Variants in UBAC2 observed in about 807,000 individuals in gnomAD.
UBAC2 encodes UBA domain containing 2.
In UBAC2, 26 loss-of-function variants were observed where a neutral mutation model predicts 44.0. The observed-to-expected ratio is 0.59, with a 90% CI of 0.43 to 0.82. The LOEUF is 0.82. Ranked by LOEUF, UBAC2 falls within the 40% of genes least tolerant of loss-of-function variation. UBAC2 has a pLI of 0.00. For missense variants in UBAC2, 329 were observed against 419.4 expected (o/e 0.78, Z 1.88); for synonymous variants, 155 against 154.3 (o/e 1.00, Z -0.04).
intron 4 of UBAC2, among the ~76,000 whole-genome samples, chr13:99,300,920 G>A (rs1172147468): frequency 6.6e-6 from 1 of 152,120 alleles, no homozygotes; most frequent in African/African-American, 2.4e-5. Context: ...TTATTCTTAA[G>A]TATATTTTAA....
At chr13:99,299,335 A>G (rs1198798429) in intron 4 of UBAC2, among the ~76,000 whole-genome samples, 1 of 152,214 alleles carries the variant, frequency 6.6e-6, no homozygotes, top group Non-Finnish European at 1.5e-5. Context: ...CAGTGAATAC[A>G]GTGCAGCTCT....
chr13:99,281,697 G>T (rs552855167), intron 4 of UBAC2, among the ~76,000 whole-genome samples: 1 of 152,320 alleles, frequency 6.6e-6, no homozygotes, highest in South Asian at 2.1e-4. Context: ...CTTATGTCTT[G>T]ACATTGCCTG....
At chr13:99,328,873 A>G (rs2044676107) in intron 6 of UBAC2, among the ~76,000 whole-genome samples, 2 of 152,164 alleles carry the variant, frequency 1.3e-5, no homozygotes, top group African/African-American at 2.4e-5. Context: ...TTGATGTTCT[A>G]TTTAAGAAAT....
intron 4 of UBAC2, among the ~76,000 whole-genome samples, chr13:99,262,034 C>T (rs2043670224): frequency 6.6e-6 from 1 of 152,204 alleles, no homozygotes; most frequent in Non-Finnish European, 1.5e-5. Flanking sequence ...GATGAAATCT[C>T]TCACTGTCCC....
intron 1 of UBAC2, among the ~76,000 whole-genome samples, chr13:99,207,287 G>C (rs563758463): frequency 7.2e-5 from 11 of 152,350 alleles, no homozygotes; most frequent in African/African-American, 2.4e-4. Context: ...GATCAGAAAA[G>C]TTAGTATGTG....
intron 4 of UBAC2, among the ~76,000 whole-genome samples, chr13:99,310,069 G>A (rs1210654007): frequency 6.6e-6 from 1 of 152,250 alleles, no homozygotes; most frequent in Non-Finnish European, 1.5e-5. Context: ...GCTCACGCCT[G>A]TAATCTCAGC....
chr13:99,232,753 C>T (rs901433833), intron 1 of UBAC2, among the ~76,000 whole-genome samples: 2 of 151,846 alleles, frequency 1.3e-5, no homozygotes, highest in African/African-American at 4.8e-5. Flanking sequence ...AAAACCCTGT[C>T]TCTACACACA....
intron 4 of UBAC2, among the ~76,000 whole-genome samples, chr13:99,278,154 G>A (rs1199193424): frequency 1.3e-5 from 2 of 152,020 alleles, no homozygotes; most frequent in Admixed American, 1.3e-4. Flanking sequence ...ATTATTCTGT[G>A]GATTAATTTG....
intron 4 of UBAC2, among the ~76,000 whole-genome samples, chr13:99,302,070 G>C (rs531176040): frequency 2.0e-5 from 3 of 152,274 alleles, no homozygotes; most frequent in South Asian, 2.1e-4. Flanking sequence ...TCTAGAGTCA[G>C]CTTATACAGA....
chr13:99,304,824 G>A (rs771611060), intron 4 of UBAC2, among the ~76,000 whole-genome samples: 6 of 152,168 alleles, frequency 3.9e-5, no homozygotes, highest in South Asian at 2.1e-4. Flanking sequence ...GTCACATTCA[G>A]TACAATACAT....
rs1375684463 is a variant in UBAC2 at position 99,385,516 on chromosome 13, T to G, written c.*181T>G. The G allele has an allele frequency of 1.8e-6, 1 of 558,788 alleles. No individual in the cohort carries two copies. The highest frequency in any genetic ancestry group is 3.2e-6 in the Non-Finnish European group (1 of 311,272). 34.6% of individuals were successfully genotyped at this position (558,788 alleles called of 1,614,324 possible). ...TGCCGTTTTAGTGTGGAGATAAGTT[T>G]GCCATTACATTAGCATGTATTTTCT... On this transcript the variant is annotated 3_prime_UTR_variant, in exon 9 of 9. Transcript: ENST00000403766.
chr13:99,363,181 G>T (rs1005449050), intron 7 of UBAC2, among the ~76,000 whole-genome samples: 1 of 152,132 alleles, frequency 6.6e-6, no homozygotes, highest in Non-Finnish European at 1.5e-5. Context: ...CCTAGACTCT[G>T]TCTTCTGTTT....
intron 2 of UBAC2, among the ~76,000 whole-genome samples, chr13:99,243,266 T>C: frequency 7.8e-6 from 1 of 127,418 alleles, no homozygotes; most frequent in African/African-American, 3.1e-5. Flanking sequence ...GTATGTCCCC[T>C]TATATGTTTT....
intron 4 of UBAC2, among the ~76,000 whole-genome samples, chr13:99,297,507 C>G (rs1322407203): frequency 2.0e-5 from 3 of 152,010 alleles, no homozygotes; most frequent in Non-Finnish European, 4.4e-5. Context: ...TTCTAACAAC[C>G]TTAAAACTGA....
chr13:99,292,257 TC>T (rs2044099934), intron 4 of UBAC2, among the ~76,000 whole-genome samples: 1 of 151,800 alleles, frequency 6.6e-6, no homozygotes, highest in Non-Finnish European at 1.5e-5. Context: ...CGCCTCAGCC[TC>T]CTGAGTAGCT....
rs2045613939 is a variant in UBAC2, at chr13:99,385,882, C to T, written c.*547C>T. On this transcript the variant is annotated 3_prime_UTR_variant, in exon 9 of 9. Transcript: ENST00000403766. ...AGGCCAGAGGACTCTGCAGTACCTTCTCCTACATCTAGTAACAAAGAATGG... is the reference window on the plus strand; with the variant it reads ...AGGCCAGAGGACTCTGCAGTACCTTTTCCTACATCTAGTAACAAAGAATGG... 6.4e-6 allele frequency: 1 copy of T among 155,130 alleles called. No individual in the cohort carries two copies. 9.6% of individuals were successfully genotyped at this position (155,130 alleles called of 1,614,324 possible).
intron 4 of UBAC2, among the ~76,000 whole-genome samples, chr13:99,272,954 C>A (rs928007391): frequency 6.7e-6 from 1 of 149,928 alleles, no homozygotes; most frequent in African/African-American, 2.4e-5. Flanking sequence ...GTATTTTTAG[C>A]CATTTTGTTT....
chr13:99,296,637 A>G (rs2044178529), intron 4 of UBAC2, among the ~76,000 whole-genome samples: 1 of 152,202 alleles, frequency 6.6e-6, no homozygotes, highest in Non-Finnish European at 1.5e-5. Context: ...AAATGAAATC[A>G]GTCACCACAT....
At chr13:99,211,424 G>T (rs1185002774) in intron 1 of UBAC2, among the ~76,000 whole-genome samples, 1 of 152,212 alleles carries the variant, frequency 6.6e-6, no homozygotes, top group Non-Finnish European at 1.5e-5. Context: ...CTGGGAAAAA[G>T]AATCATTATT....
Sources: gnomAD v4.1 joint callset for allele counts (sites outside exome capture counted in the v4.1 genomes callset) on GRCh38, gnomAD v4.1.1 for gene constraint, MANE v1.5 for transcripts, NCBI Gene and HGNC (gene_info 2026-07-23, HGNC 2026-07-21) for gene names.